The following DOCK2 variants were observed in gnomAD, a reference collection of about 807,000 sequenced individuals.
DOCK2 encodes the protein dedicator of cytokinesis protein 2.
DOCK2 carries 87 observed loss-of-function variants against 248.9 expected under a neutral mutation model. That is an observed-to-expected ratio of 0.35 (90% CI 0.29 to 0.42). DOCK2 has a LOEUF of 0.42. Ranked by LOEUF, DOCK2 falls within the 10% of genes least tolerant of loss-of-function variation. The pLI is 1.00. For synonymous variants in DOCK2, 805 were observed against 821.6 expected (o/e 0.98, Z 0.35); for missense variants, 1,747 against 2,300.2 (o/e 0.76, Z 4.92).
chr5:170,082,934 C>G lies in DOCK2; in HGVS notation c.*76C>G. On this transcript the variant is annotated 3_prime_UTR_variant, in exon 52 of 52. Coordinates refer to ENST00000520908, the MANE Select transcript of DOCK2 (RefSeq NM_004946.3). ...AAGAGGAAAGCCATGCGTGGAACAT[C>G]GAAGCCTCAGAGAGTGGGAGACTGT... The G allele has an allele frequency of 6.3e-7, 1 of 1,587,894 alleles. No individual in the cohort carries two copies. Among genetic ancestry groups the G allele is most frequent in the Non-Finnish European group, 8.6e-7 (1 of 1,158,714 alleles).
chr5:169,740,096 T>C lies in DOCK2; in HGVS notation c.2268-7300T>C, dbSNP rs568291181. Reference sequence around the variant, plus strand: ...CGCCAAATTACATAAAGTGTGCAGCTCCTCTGAATAGAATGAAGGATGGCA... The same window carrying C: ...CGCCAAATTACATAAAGTGTGCAGCCCCTCTGAATAGAATGAAGGATGGCA... On this transcript the variant is annotated intron_variant, in intron 22 of 51. Coordinates refer to ENST00000520908, the MANE Select transcript of DOCK2 (RefSeq NM_004946.3). Among the ~76,000 whole-genome samples the C allele has an allele frequency of 2.6e-5, 4 of 152,374 alleles. No homozygotes were observed. In the East Asian group the frequency reaches 5.8e-4, roughly 22 times the overall value.
At position 169,714,380 on chromosome 5, in the gene DOCK2, A is replaced by C; in HGVS notation, c.1864A>C (p.Lys622Gln). 6.2e-7 allele frequency: 1 copy of C among 1,614,096 alleles called. No homozygotes were observed. Among genetic ancestry groups the C allele is most frequent in the African/African-American group, 1.3e-5 (1 of 75,036 alleles). ...TQNVGLLGLLKWRMKPQLLQE... is the reference protein window; with the variant it reads ...TQNVGLLGLLQWRMKPQLLQE... Reference sequence around the variant, plus strand: ...TTTAGTGGGCTTGCTGGGTTTGCTGAAGTGGCGTATGAAGCCTCAACTGCT... The same window carrying C: ...TTTAGTGGGCTTGCTGGGTTTGCTGCAGTGGCGTATGAAGCCTCAACTGCT... The change falls in exon 19 of 52, where the codon AAG becomes CAG. Residue 622 changes from lysine to glutamine, a missense_variant. Lys to Gln is a moderately conservative substitution (Grantham distance 53). This residue lies in a region of DOCK2 where 858 missense variants were observed against 1,183.5 expected (regional missense o/e 0.72). Transcript: ENST00000520908.
chr5:169,805,808 G>A (rs1224000167), intron 26 of DOCK2, among the ~76,000 whole-genome samples: 2 of 152,220 alleles, frequency 1.3e-5, no homozygotes, highest in Admixed American at 6.5e-5. Flanking sequence ...CTCCCCGTGG[G>A]GGATTGTGGC....
chr5:169,710,536 AGGAATAACCTGCATT>A (rs1761518814), intron 15 of DOCK2, among the ~76,000 whole-genome samples: 3 of 152,246 alleles, frequency 2.0e-5, no homozygotes, highest in Non-Finnish European at 4.4e-5. Flanking sequence ...CTAAGCAGAA[AGGAATAACCTGCATT>A]GGAATAAGGA....
chr5:169,890,649 T>C (rs1773227600), intron 27 of DOCK2, among the ~76,000 whole-genome samples: 1 of 152,210 alleles, frequency 6.6e-6, no homozygotes, highest in Admixed American at 6.5e-5. Context: ...ACTTTCTTTA[T>C]AGCACATGGG....
chr5:169,861,643 A>G (rs1321241890), intron 27 of DOCK2, among the ~76,000 whole-genome samples: 1 of 152,250 alleles, frequency 6.6e-6, no homozygotes, highest in Non-Finnish European at 1.5e-5. Flanking sequence ...GTAATATTTT[A>G]CAAAGAAGCA....
intron 27 of DOCK2, among the ~76,000 whole-genome samples, chr5:169,905,098 T>C (rs762080375): frequency 3.6e-4 from 55 of 152,128 alleles, no homozygotes; most frequent in Non-Finnish European, 7.3e-5. Context: ...TCAGTAAATA[T>C]GAGGTGCTGG....
At position 169,937,856 on chromosome 5, in the gene DOCK2, C is replaced by T. The variant is rs560890804; in HGVS notation, c.2800-45212C>T. On this transcript the variant is annotated intron_variant, in intron 27 of 51. Coordinates refer to ENST00000520908, the MANE Select transcript of DOCK2 (RefSeq NM_004946.3). The stretch of plus-strand genomic sequence containing the variant: ...CTGACAACACTGAAATCAAATATTT[C>T]TTCTCTCACGTGAGTGGTGGGTCCC... Among the ~76,000 whole-genome samples the T allele has an allele frequency of 2.6e-5, 4 of 152,334 alleles. No individual in the cohort carries two copies. The East Asian group carries it at 7.7e-4, about 29-fold the overall frequency.
At chr5:169,779,823 C>G (rs951660003) in intron 25 of DOCK2, among the ~76,000 whole-genome samples, 1 of 152,158 alleles carries the variant, frequency 6.6e-6, no homozygotes, top group Non-Finnish European at 1.5e-5. Context: ...AGCTTAGACA[C>G]CAGCCAGTTC....
intron 27 of DOCK2, among the ~76,000 whole-genome samples, chr5:169,929,090 T>C (rs1775618253): frequency 6.6e-6 from 1 of 152,192 alleles, no homozygotes; most frequent in South Asian, 2.1e-4. Flanking sequence ...TAGACTGAAG[T>C]TCTGTCATGC....
chr5:169,855,816 A>G (rs1305397309), intron 27 of DOCK2, among the ~76,000 whole-genome samples: 3 of 152,226 alleles, frequency 2.0e-5, no homozygotes, highest in East Asian at 3.8e-4. Context: ...AAGAGCCACA[A>G]GAGAATATGT....
chr5:169,838,232 G>A (rs1045103101), intron 26 of DOCK2, among the ~76,000 whole-genome samples: 41 of 152,268 alleles, frequency 2.7e-4, no homozygotes, highest in African/African-American at 9.4e-4. Context: ...ATCTCTGATC[G>A]TGTTCCAGTC....
intron 25 of DOCK2, among the ~76,000 whole-genome samples, chr5:169,799,847 GC>G (rs1766861497): frequency 6.6e-6 from 1 of 151,886 alleles, no homozygotes; most frequent in African/African-American, 2.4e-5. Flanking sequence ...TCACTCTGTC[GC>G]CCAGGCTGGT....
rs200560235 is a variant in DOCK2 at position 169,708,181 on chromosome 5, G to A, written c.1396G>A (p.Val466Met). 194 of 1,613,882 alleles carry A rather than the reference G, an allele frequency of 1.2e-4. No homozygotes were observed. The highest frequency in any genetic ancestry group is 2.7e-4 in the African/African-American group (20 of 75,038). ...DGKTLPNAICVGAGDKPMNEY... is the reference protein window; with the variant it reads ...DGKTLPNAICMGAGDKPMNEY... ...TTTCTTGGGTCAGAATGCAATTTGC[G>A]TGGGAGCAGGGGACAAGCCCATGAA... Residue 466 changes from valine (V) to methionine (M), a missense_variant, in exon 15 of 52, where the codon GTG becomes ATG. This residue lies in a region of DOCK2 where 858 missense variants were observed against 1,183.5 expected (regional missense o/e 0.72). Transcript: ENST00000520908.
chr5:169,689,292 A>G lies in DOCK2; in HGVS notation c.802A>G (p.Lys268Glu), dbSNP rs779522689. 1.1e-5 allele frequency: 17 copies of G among 1,614,110 alleles called. No individual in the cohort carries two copies. Among genetic ancestry groups the G allele is most frequent in the Non-Finnish European group, 1.4e-5 (16 of 1,179,990 alleles). ...LVRWGSRGFPKEIEMLNNLKV... is the reference protein window; with the variant it reads ...LVRWGSRGFPEEIEMLNNLKV... ...GCGATGGGGCAGCCGGGGCTTCCCTAAGGAGATTGAGATGCTCAACAATCT... is the reference window on the plus strand; with the variant it reads ...GCGATGGGGCAGCCGGGGCTTCCCTGAGGAGATTGAGATGCTCAACAATCT... The change falls in exon 9 of 52, where the codon AAG becomes GAG. Residue 268 changes from lysine (K) to glutamate (E), a missense_variant. Physicochemically the swap from Lys to Glu is moderately conservative, Grantham distance 56. Around this residue, in one of 4 missense-constraint regions of DOCK2, gnomAD observed 375 missense variants for 510.9 expected, o/e 0.73. Coordinates refer to ENST00000520908, the MANE Select transcript of DOCK2 (RefSeq NM_004946.3).
At chr5:169,939,751 T>C (rs1256106771) in intron 27 of DOCK2, among the ~76,000 whole-genome samples, 1 of 152,200 alleles carries the variant, frequency 6.6e-6, no homozygotes, top group Non-Finnish European at 1.5e-5. Flanking sequence ...TACTTAAAGT[T>C]CTTATAAGGA....
At chr5:169,971,847 C>T (rs1561859109) in intron 27 of DOCK2, among the ~76,000 whole-genome samples, 1 of 152,202 alleles carries the variant, frequency 6.6e-6, no homozygotes, top group Non-Finnish European at 1.5e-5. Flanking sequence ...TCGTAGTTAC[C>T]CATGAACTTC....
At chr5:169,820,629 C>G (rs1768370404) in intron 26 of DOCK2, among the ~76,000 whole-genome samples, 1 of 152,204 alleles carries the variant, frequency 6.6e-6, no homozygotes, top group Non-Finnish European at 1.5e-5. Flanking sequence ...ACGTCACCAT[C>G]ATCAAAGATC....
chr5:169,698,527 C>A, intron 11 of DOCK2, 78 bp downstream of exon 11: 1 of 1,506,284 alleles, frequency 6.6e-7, no homozygotes, highest in Non-Finnish European at 9.2e-7. Context: ...TCAGAGGGTA[C>A]CAGTTCCCTG....
Sources: gnomAD v4.1 joint callset for allele counts (sites outside exome capture counted in the v4.1 genomes callset) on GRCh38, gnomAD v4.1.1 for gene constraint, gnomAD v4.1.1 regional missense constraint, MANE v1.5 for transcripts, NCBI Gene and HGNC (gene_info 2026-07-23, HGNC 2026-07-21) for gene names.